CTNNA3: variants seen among roughly 807,000 people sequenced by gnomAD.
CTNNA3 encodes catenin alpha-3.
A neutral mutation model predicts 95.7 loss-of-function variants in CTNNA3; 76 were observed. That is an observed-to-expected ratio of 0.79 (90% CI 0.66 to 0.96). The LOEUF (loss-of-function observed/expected upper bound fraction) is 0.96. Ranked by LOEUF, CTNNA3 falls within the 40% of genes least tolerant of loss-of-function variation. The probability of loss-of-function intolerance (pLI) is 0.00; values close to 1 mark genes in which losing one functional copy is unlikely to be tolerated. For synonymous variants in CTNNA3, 431 were observed against 374.4 expected (o/e 1.15, Z -1.74); for missense variants, 1,191 against 1,089.8 (o/e 1.09, Z -1.31).
At chr10:66,167,040 G>A (rs1026810515) in intron 13 of CTNNA3, among the ~76,000 whole-genome samples, 7 of 152,046 alleles carry the variant, frequency 4.6e-5, no homozygotes, top group Non-Finnish European at 1.0e-4. Context: ...AGACTTGAAG[G>A]AATTTCATTT....
intron 9 of CTNNA3, among the ~76,000 whole-genome samples, chr10:66,681,543 A>G (rs1442157774): frequency 6.6e-6 from 1 of 152,206 alleles, no homozygotes; most frequent in Non-Finnish European, 1.5e-5. Context: ...ACAATATCGG[A>G]GTCCTGGCCT....
At chr10:66,337,491 G>A (rs1378191485) in intron 12 of CTNNA3, among the ~76,000 whole-genome samples, 1 of 152,078 alleles carries the variant, frequency 6.6e-6, no homozygotes, top group Non-Finnish European at 1.5e-5. Context: ...AAAGAAATCT[G>A]TGGCTCAGGA....
intron 9 of CTNNA3, among the ~76,000 whole-genome samples, chr10:66,703,326 G>A (rs1213625185): frequency 6.6e-6 from 1 of 152,116 alleles, no homozygotes; most frequent in African/African-American, 2.4e-5. Context: ...CACTGGTGCT[G>A]GCATGATGTT....
At chr10:66,090,328 G>A (rs557298316) in intron 14 of CTNNA3, among the ~76,000 whole-genome samples, 1 of 152,102 alleles carries the variant, frequency 6.6e-6, no homozygotes, top group Admixed American at 6.6e-5. Flanking sequence ...TTGCCAAGCT[G>A]CAAAAATAGC....
intron 11 of CTNNA3, among the ~76,000 whole-genome samples, chr10:66,384,324 C>T (rs1359056800): frequency 6.6e-6 from 1 of 151,988 alleles, no homozygotes; most frequent in African/African-American, 2.4e-5. Context: ...ACACTTTAAA[C>T]CAACAAAGAT....
intron 5 of CTNNA3, among the ~76,000 whole-genome samples, chr10:67,274,633 G>A (rs932897539): frequency 1.3e-5 from 2 of 151,976 alleles, no homozygotes; most frequent in Non-Finnish European, 2.9e-5. Flanking sequence ...TTCAAGACCA[G>A]CCTGGGCAAT....
intron 7 of CTNNA3, chr10:67,055,088 A>T (rs1855343218): frequency 6.6e-6 from 1 of 152,164 alleles, no homozygotes; most frequent in Admixed American, 6.5e-5. Context: ...AAAATGAAAG[A>T]TGACATATTT....
intron 5 of CTNNA3, among the ~76,000 whole-genome samples, chr10:67,483,248 C>A (rs1328620979): frequency 2.0e-5 from 3 of 150,786 alleles, no homozygotes; most frequent in African/African-American, 7.4e-5. Context: ...ACCATTTGAC[C>A]CAGCCATCCC....
intron 9 of CTNNA3, among the ~76,000 whole-genome samples, chr10:66,747,292 C>G (rs1838924723): frequency 6.6e-6 from 1 of 152,174 alleles, no homozygotes; most frequent in Non-Finnish European, 1.5e-5. Context: ...ATAACTCCTT[C>G]CTACTCTTAG....
At chr10:67,720,139 T>G (rs1841171320) in intron 1 of CTNNA3, among the ~76,000 whole-genome samples, 3 of 92,848 alleles carry the variant, frequency 3.2e-5, no homozygotes, top group Non-Finnish European at 6.8e-5. Flanking sequence ...CTTTTTTTTT[T>G]TTTTTTTTTT....
At chr10:66,574,056 C>G (rs975138458) in intron 10 of CTNNA3, among the ~76,000 whole-genome samples, 2 of 152,004 alleles carry the variant, frequency 1.3e-5, no homozygotes, top group African/African-American at 4.8e-5. Context: ...ATAATTTACT[C>G]AAAAGGCTGT....
chr10:67,186,527 CCTA>C (rs1312593586), intron 6 of CTNNA3, among the ~76,000 whole-genome samples: 1 of 152,174 alleles, frequency 6.6e-6, no homozygotes, highest in Non-Finnish European at 1.5e-5. Context: ...ACTATTCCAA[CCTA>C]CTAAAGTTTT....
intron 7 of CTNNA3, among the ~76,000 whole-genome samples, chr10:66,807,199 C>T (rs960132457): frequency 1.3e-4 from 20 of 152,146 alleles, no homozygotes; most frequent in African/African-American, 3.9e-4. Context: ...TACTTGTTAA[C>T]TGTTGTACCT....
At chr10:66,331,226 C>T (rs796127600) in intron 12 of CTNNA3, among the ~76,000 whole-genome samples, 3 of 150,970 alleles carry the variant, frequency 2.0e-5, no homozygotes, top group African/African-American at 7.3e-5. Flanking sequence ...TTTAATCAAG[C>T]TTGAATTAAT....
chr10:67,581,410 A>C (rs922676554), intron 3 of CTNNA3, among the ~76,000 whole-genome samples: 6 of 152,194 alleles, frequency 3.9e-5, no homozygotes, highest in Admixed American at 3.9e-4. Context: ...GGATGAAGCC[A>C]ACTTCATCAC....
chr10:67,092,867 C>T (rs1364890877), intron 7 of CTNNA3, among the ~76,000 whole-genome samples: 3 of 151,990 alleles, frequency 2.0e-5, no homozygotes, highest in Middle Eastern at 3.4e-3. Context: ...GTAGCAGAAT[C>T]GAAATTATTC....
At chr10:66,360,761 TTCC>T (rs1564896918) in intron 12 of CTNNA3, among the ~76,000 whole-genome samples, 13 of 127,222 alleles carry the variant, frequency 1.0e-4, no homozygotes, top group African/African-American at 3.7e-4. Flanking sequence ...CCTTCCTTCC[TTCC>T]TTCCTTTTCT....
At position 66,746,870 on chromosome 10, in the gene CTNNA3, T is replaced by A. The variant is rs903325052; in HGVS notation, c.1281+19394A>T. ...GCCAAAAATGGATGCAGTGTGTGTG[T>A]GTGTGTGTGTGTGTGCGTGCACACA... On this transcript the variant is annotated intron_variant, in intron 9 of 17. Coordinates refer to ENST00000433211, the MANE Select transcript of CTNNA3 (RefSeq NM_013266.4). Among the ~76,000 whole-genome samples, 574 of 152,172 alleles carry A rather than the reference T, an allele frequency of 3.8e-3. 2 individuals carry two copies. Among genetic ancestry groups the A allele is most frequent in the African/African-American group, 0.013 (545 of 41,556 alleles).
intron 11 of CTNNA3, among the ~76,000 whole-genome samples, chr10:66,473,196 A>T (rs1343197101): frequency 6.6e-6 from 1 of 151,992 alleles, no homozygotes; most frequent in African/African-American, 2.4e-5. Flanking sequence ...GTCCCCAGTC[A>T]AATCTCATCT....
Sources: allele counts gnomAD v4.1 joint callset (sites outside exome capture counted in the v4.1 genomes callset), GRCh38; gene constraint gnomAD v4.1.1; transcripts MANE v1.5; gene names NCBI Gene and HGNC (gene_info 2026-07-23, HGNC 2026-07-21).